GSTP1: variants seen among roughly 807,000 people sequenced by gnomAD.
The protein encoded by GSTP1 is glutathione S-transferase pi 1, also known as glutathione S-transferase P.
In GSTP1, 28 loss-of-function variants were observed where a neutral mutation model predicts 29.4. The ratio of observed to expected loss-of-function variants is 0.95; its 90% CI spans 0.71 to 1.30. The LOEUF (loss-of-function observed/expected upper bound fraction) is 1.30, where lower values mean the gene tolerates loss of function less well. Ranked by LOEUF, GSTP1 falls within the 50% of genes most tolerant of loss-of-function variation. GSTP1 has a pLI of 0.00. For synonymous variants in GSTP1, 122 were observed against 117.0 expected, an observed-to-expected ratio of 1.04 and a Z score of -0.28; for missense variants, 267 against 266.1, an observed-to-expected ratio of 1.00 and a Z score of -0.02.
chr11:67,583,848 A>G lies in GSTP1; in HGVS notation c.1+4A>G. The stretch of plus-strand genomic sequence containing the variant: ...GCCGCCGCAGTCTTCGCCACCAGTG[A>G]GTACGCGCGGCCCGCGTCCCCGGGG... On this transcript the variant is annotated splice_donor_region_variant and intron_variant, in intron 1 of 6. Coordinates refer to ENST00000398606, the MANE Select transcript of GSTP1 (RefSeq NM_000852.4). 1.3e-6 allele frequency: 1 copy of G among 748,732 alleles called. No homozygotes were observed. Among genetic ancestry groups the G allele is most frequent in the Non-Finnish European group, 2.5e-6 (1 of 405,846 alleles). The allele number at this position is 748,732 out of a possible 1,614,324, so 46.4% of individuals were successfully genotyped here. A position where few individuals can be genotyped will look rare whatever the true frequency, so the allele number is the denominator to read the frequency against.
chr11:67,586,226 C>T lies in GSTP1; in HGVS notation c.444+15C>T. ...TGGGAGACCAGGTGAGCATCTGGCC[C>T]CATGCTGTTCCTTCCTCGCCACCCT... On this transcript the variant is annotated intron_variant, in intron 6 of 6. Coordinates refer to ENST00000398606, the MANE Select transcript of GSTP1 (RefSeq NM_000852.4). 2 of 1,579,458 alleles carry T rather than the reference C, an allele frequency of 1.3e-6. No individual in the cohort carries two copies. Among genetic ancestry groups the T allele is most frequent in the Non-Finnish European group, 1.7e-6 (2 of 1,149,118 alleles).
rs748294218 is a variant in GSTP1 at position 67,586,606 on chromosome 11, G to C, written c.*29G>C. On this transcript the variant is annotated 3_prime_UTR_variant, in exon 7 of 7. Coordinates refer to ENST00000398606, the MANE Select transcript of GSTP1 (RefSeq NM_000852.4). ...TTGGGGGGACTCTGAGCGGGAGGCA[G>C]AGTTTGCCTTCCTTTCTCCAGGACC... is the stretch of plus-strand genomic sequence containing the variant. The C allele has an allele frequency of 6.4e-7, 1 of 1,571,482 alleles. No homozygotes were observed. Among genetic ancestry groups the C allele is most frequent in the South Asian group, 1.1e-5 (1 of 88,970 alleles).
At chr11:67,584,958 C>G (rs1238140088) in intron 4 of GSTP1, 180 bp from the exon 5 acceptor site, 2 of 640,834 alleles carry the variant, frequency 3.1e-6, no homozygotes, top group South Asian at 1.9e-5. Flanking sequence ...GGCTGCCTCC[C>G]AGGTGTCAGG....
Position 67,584,531 on chromosome 11 carries a change from C to T in GSTP1, c.105C>T (p.Thr35=), listed in dbSNP as rs966829927. ...AGAGCTGGAAGGAGGAGGTGGTGACCGTGGAGACGTGGCAGGAGGGCTCAC... is the reference window on the plus strand; with the variant it reads ...AGAGCTGGAAGGAGGAGGTGGTGACTGTGGAGACGTGGCAGGAGGGCTCAC... The part of the protein sequence containing the change: ...QGQSWKEEVV[T]VETWQEGSLK... The change falls in exon 3 of 7, where the codon ACC becomes ACT. Residue 35 remains threonine, a synonymous_variant. Transcript: ENST00000398606. The T allele has an allele frequency of 1.9e-6, 3 of 1,592,772 alleles. No individual in the cohort carries two copies. The highest frequency in any genetic ancestry group is 3.6e-5 in the Admixed American group (2 of 55,532).
chr11:67,584,765 C>T lies in GSTP1; in HGVS notation c.225C>T (p.Arg75=), dbSNP rs964963140. ...ATACCATCCTGCGTCACCTGGGCCGCACCCTTGGTGAGTCTTGAACCTCCA... is the reference window on the plus strand; with the variant it reads ...ATACCATCCTGCGTCACCTGGGCCGTACCCTTGGTGAGTCTTGAACCTCCA... ...QSNTILRHLG[R]TLGLYGKDQQ... is the part of the protein sequence containing the mutation. Residue 75 remains arginine (R), a synonymous_variant, in exon 4 of 7, where the codon CGC becomes CGT. Coordinates refer to ENST00000398606, the MANE Select transcript of GSTP1 (RefSeq NM_000852.4). The T allele has an allele frequency of 1.2e-6, 2 of 1,610,620 alleles. No individual in the cohort carries two copies. Among genetic ancestry groups the T allele is most frequent in the African/African-American group, 1.3e-5 (1 of 74,898 alleles).
chr11:67,585,857 A>G (rs968878556), intron 5 of GSTP1, among the ~76,000 whole-genome samples: 48 of 152,216 alleles, frequency 3.2e-4, no homozygotes, highest in African/African-American at 1.1e-3. Context: ...GAGGTCTAGA[A>G]GGATCCTCCA....
intron 1 of GSTP1, 29 bp downstream of exon 1, chr11:67,583,873 GATGGGGCTCAGAGCTCCCAGC>G (rs1867420113): frequency 1.4e-6 from 1 of 738,890 alleles, no homozygotes; most frequent in African/African-American, 1.7e-5. Context: ...CGTCCCCGGG[GATGGGGCTCAGAGCTCCCAGC>G]ATGGGGCCAA....
intron 4 of GSTP1, 58 bp downstream of exon 4, chr11:67,584,830 C>T: frequency 7.8e-7 from 1 of 1,289,426 alleles, no homozygotes; most frequent in Non-Finnish European, 1.1e-6. Flanking sequence ...CCCCCGGAGC[C>T]CTTTTGTTTA....
At chr11:67,584,936 T>G (rs1209602437) in intron 4 of GSTP1, 164 bp downstream of exon 4, 2 of 661,996 alleles carry the variant, frequency 3.0e-6, no homozygotes, top group African/African-American at 3.6e-5. Flanking sequence ...CTGCAATCCT[T>G]GCCCTGTGCC....
At chr11:67,585,688 CGTGT>C (rs370404218) in intron 5 of GSTP1, among the ~76,000 whole-genome samples, 3 of 151,418 alleles carry the variant, frequency 2.0e-5, no homozygotes, top group African/African-American at 7.3e-5. Flanking sequence ...CATGTGTGTG[CGTGT>C]GTGTGTGTAC....
intron 2 of GSTP1, 78 bp from the exon 3 acceptor site, chr11:67,584,386 C>A: frequency 1.3e-6 from 1 of 786,162 alleles, no homozygotes; most frequent in Non-Finnish European, 2.1e-6. Flanking sequence ...TCCCTCCCTG[C>A]ACTCCTGACC....
Position 67,586,441 on chromosome 11 carries a change from T to C in GSTP1, c.497T>C (p.Leu166Pro). 1 of 1,614,234 alleles carries C rather than the reference T, an allele frequency of 6.2e-7. No individual in the cohort carries two copies. The highest frequency in any genetic ancestry group is 1.1e-5 in the South Asian group (1 of 91,088). Residue 166 changes from leucine (L) to proline (P), a missense_variant, in exon 7 of 7, where the codon CTA (leucine) becomes CCA (proline). Coordinates refer to ENST00000398606, the MANE Select transcript of GSTP1 (RefSeq NM_000852.4). ...LLDLLLIHEV[L>P]APGCLDAFPL... Reference sequence around the variant, plus strand: ...GACTTGCTGCTGATCCATGAGGTCCTAGCCCCTGGCTGCCTGGATGCGTTC... The same window carrying C: ...GACTTGCTGCTGATCCATGAGGTCCCAGCCCCTGGCTGCCTGGATGCGTTC...
At position 67,583,837 on chromosome 11, in the gene GSTP1, C is replaced by CG. The variant is rs749314646; in HGVS notation, c.-6dup. ...GCTGGAGTTTCGCCGCCGCAGTCTTCGCCACCAGTGAGTACGCGCGGCCCG... is the reference window on the plus strand; with the variant it reads ...GCTGGAGTTTCGCCGCCGCAGTCTTCGGCCACCAGTGAGTACGCGCGGCCCG... On this transcript the variant is annotated 5_prime_UTR_variant, in exon 1 of 7. Transcript: ENST00000398606. 1.3e-5 allele frequency: 10 copies of CG among 748,502 alleles called. No individual in the cohort carries two copies. In the Admixed American group the frequency reaches 1.8e-4, roughly 14 times the overall value. 46.4% of individuals were successfully genotyped at this position (748,502 alleles called of 1,614,324 possible). A position where few individuals can be genotyped will look rare whatever the true frequency, so the allele number is the denominator to read the frequency against.
intron 5 of GSTP1, 120 bp downstream of exon 5, chr11:67,585,361 G>A (rs1449760956): frequency 1.5e-6 from 1 of 667,568 alleles, no homozygotes; most frequent in African/African-American, 1.8e-5. Context: ...CAGGGTGCAG[G>A]GGCTGGGTCA....
intron 6 of GSTP1, 54 bp from the exon 7 acceptor site, chr11:67,586,335 C>T: frequency 6.4e-7 from 1 of 1,570,642 alleles, no homozygotes; most frequent in Non-Finnish European, 8.7e-7. Context: ...CCTCTGCCCC[C>T]AATTCCTCCA....
Sources: allele counts gnomAD v4.1 joint callset (sites outside exome capture counted in the v4.1 genomes callset), GRCh38; gene constraint gnomAD v4.1.1; transcripts MANE v1.5; gene names NCBI Gene and HGNC (gene_info 2026-07-23, HGNC 2026-07-21).